The following ZNF814 variants were observed in gnomAD, a reference collection of about 807,000 sequenced individuals.
The protein encoded by ZNF814 is zinc finger protein 814.
Under a neutral mutation model 7.5 loss-of-function variants are expected in ZNF814, and 5 were observed. The ratio of observed to expected loss-of-function variants is 0.67; its 90% CI spans 0.35 to 1.40. The LOEUF is 1.40. Ranked by LOEUF, ZNF814 falls within the 40% of genes most tolerant of loss-of-function variation. The pLI, the probability that ZNF814 is intolerant of heterozygous loss-of-function variation, is 0.04. For missense variants in ZNF814, 962 were observed against 1,018.0 expected, an observed-to-expected ratio of 0.94 and a Z score of 0.75; for synonymous variants, 315 against 340.7, an observed-to-expected ratio of 0.92 and a Z score of 0.83.
the ZNF814 span, among the ~76,000 whole-genome samples, chr19:57,896,737 CA>C: frequency 6.6e-6 from 1 of 152,114 alleles, no homozygotes; most frequent in Non-Finnish European, 1.5e-5. The surrounding 1 kb of genome is among the most constrained non-coding windows in gnomAD (Gnocchi z 4.2). Context: ...TCCTTTTGTA[CA>C]AACTTTACTA....
rs112619379 is a variant in ZNF814, at chr19:57,886,871, C to T, written c.36+1896G>A. On this transcript the variant is annotated intron_variant, in intron 1 of 2. Coordinates refer to ENST00000435989, the MANE Select transcript of ZNF814 (RefSeq NM_001144989.2). ...CTCCAGGCTGGGTGACAGACTGAGACGCTGTCTCAGTAAAATAAATAAATA... is the reference window on the plus strand; with the variant it reads ...CTCCAGGCTGGGTGACAGACTGAGATGCTGTCTCAGTAAAATAAATAAATA... Among the ~76,000 whole-genome samples, 725 of 148,736 alleles carry T rather than the reference C, an allele frequency of 4.9e-3. 5 individuals are homozygous for T. Among genetic ancestry groups the T allele is most frequent in the African/African-American group, 0.017 (687 of 40,134 alleles).
At chr19:57,877,591 T>G (rs2071616614) in intron 1 of ZNF814, among the ~76,000 whole-genome samples, 2 of 152,020 alleles carry the variant, frequency 1.3e-5, no homozygotes, top group African/African-American at 2.4e-5. Context: ...TACAGGCATG[T>G]ACCACCACAC....
At chr19:57,903,618 C>T in the ZNF814 span, among the ~76,000 whole-genome samples, 1 of 152,160 alleles carries the variant, frequency 6.6e-6, no homozygotes, top group Admixed American at 6.5e-5. Context: ...GCTCACTTAA[C>T]CCTGCTCCCT....
At chr19:57,883,165 T>C (rs530132422) in intron 1 of ZNF814, among the ~76,000 whole-genome samples, 18 of 151,824 alleles carry the variant, frequency 1.2e-4, no homozygotes, top group East Asian at 1.9e-4. Context: ...GAGACCATCC[T>C]GGCTAATGGG....
chr19:57,896,106 G>C, the ZNF814 span, among the ~76,000 whole-genome samples: 6 of 150,468 alleles, frequency 4.0e-5, no homozygotes, highest in East Asian at 2.0e-4. This position sits in a 1 kb window ranked among gnomAD's most constrained non-coding sequence, Gnocchi z 4.2. Flanking sequence ...GTCGCCATGA[G>C]AGCGCACCTG....
At chr19:57,892,094 G>T (rs1027712932), upstream of ZNF814, among the ~76,000 whole-genome samples, 1 of 152,148 alleles carries the variant, frequency 6.6e-6, no homozygotes, top group Non-Finnish European at 1.5e-5. Flanking sequence ...GATGTCTCTT[G>T]CCTCCTTAAA....
upstream of ZNF814, among the ~76,000 whole-genome samples, chr19:57,890,467 T>C (rs1174693077): frequency 6.6e-6 from 1 of 152,078 alleles, no homozygotes; most frequent in Non-Finnish European, 1.5e-5. Context: ...TGGGGTTTTT[T>C]AAGGATAATT....
intron 1 of ZNF814, among the ~76,000 whole-genome samples, chr19:57,885,042 C>T (rs2071678365): frequency 5.9e-5 from 9 of 152,106 alleles, no homozygotes; most frequent in Admixed American, 5.9e-4. Flanking sequence ...AAAATGTAGG[C>T]CGGACGCAGT....
Position 57,873,327 on chromosome 19 carries a change from T to G in ZNF814, c.2063A>C (p.Tyr688Ser). The G allele has an allele frequency of 6.3e-7, 1 of 1,591,124 alleles. No individual in the cohort carries two copies. Among genetic ancestry groups the G allele is most frequent in the Non-Finnish European group, 8.6e-7 (1 of 1,168,266 alleles). ...TAATTTTCCACATTCCCTACATACA[T>G]AAGGTCTTTCTCCAGTATGGCCATG... ...HQHGHTGERP[Y>S]VCRECGKLFK... Residue 688 changes from tyrosine (Y) to serine (S), a missense_variant, in exon 3 of 3, where the codon TAT (tyrosine) becomes TCT (serine). By Grantham distance (144) the Tyr-to-Ser change is moderately radical (BLOSUM62 -2). Transcript: ENST00000435989.
At chr19:57,884,023 C>G (rs568120928) in intron 1 of ZNF814, among the ~76,000 whole-genome samples, 1 of 152,270 alleles carries the variant, frequency 6.6e-6, no homozygotes, top group Non-Finnish European at 1.5e-5. Flanking sequence ...TCCCAAAGTG[C>G]TGGGATTATA....
chr19:57,875,929 C>T (rs1332805869), intron 2 of ZNF814, among the ~76,000 whole-genome samples: 1 of 145,732 alleles, frequency 6.9e-6, no homozygotes, highest in East Asian at 2.0e-4. Flanking sequence ...TCCATGACCT[C>T]CTCCAGGGTG....
In ZNF814 at chr19:57,873,638, A is replaced by C. The variant is rs1268179801; in HGVS notation, c.1752T>G (p.Ser584=). The part of the protein sequence containing the change: ...RSYGCGECGK[S]FSSIGHLRSH... Reference sequence around the variant, plus strand: ...TCCTAAGGTGCCCGATTGAACTAAAAGATTTCCCACATTCTCCACACCCAT... The same window carrying C: ...TCCTAAGGTGCCCGATTGAACTAAACGATTTCCCACATTCTCCACACCCAT... Residue 584 remains serine (S), a synonymous_variant, in exon 3 of 3, where the codon TCT becomes TCG. Coordinates refer to ENST00000435989, the MANE Select transcript of ZNF814 (RefSeq NM_001144989.2). The C allele has an allele frequency of 6.2e-7, 1 of 1,613,906 alleles. No homozygotes were observed. Among genetic ancestry groups the C allele is most frequent in the Non-Finnish European group, 8.5e-7 (1 of 1,179,960 alleles).
intron 1 of ZNF814, among the ~76,000 whole-genome samples, chr19:57,877,590 G>T (rs1176377437): frequency 6.6e-6 from 1 of 151,962 alleles, no homozygotes; most frequent in African/African-American, 2.4e-5. Context: ...TTACAGGCAT[G>T]TACCACCACA....
Position 57,885,465 on chromosome 19 carries a change from C to A in ZNF814, c.36+3302G>T, listed in dbSNP as rs377357072. ...CCAAGATGGTGAAACCCCATCTCTA[C>A]TATAAACTACAAAAATTAGCCAGCC... On this transcript the variant is annotated intron_variant, in intron 1 of 2. Coordinates refer to ENST00000435989, the MANE Select transcript of ZNF814 (RefSeq NM_001144989.2). 2.6e-5 allele frequency among the ~76,000 whole-genome samples: 4 copies of A among 151,704 alleles called. No individual in the cohort carries two copies. In the East Asian group the frequency reaches 5.8e-4, roughly 22 times the overall value.
rs2071544365 is a variant in ZNF814 at position 57,870,099 on chromosome 19, G to A, written c.*2723C>T. 1 of 152,044 alleles carries A rather than the reference G, an allele frequency of 6.6e-6. No homozygotes were observed. Among genetic ancestry groups the A allele is most frequent in the Non-Finnish European group, 1.5e-5 (1 of 68,056 alleles). 9.4% of individuals were successfully genotyped at this position (152,044 alleles called of 1,614,324 possible). A position where few individuals can be genotyped will look rare whatever the true frequency, so the allele number is the denominator to read the frequency against. Reference sequence around the variant, plus strand: ...AGTAAAGATACAAAAAATTAGCTGGGTATGGTGGCGGGCACCTGTAGTCCC... The same window carrying A: ...AGTAAAGATACAAAAAATTAGCTGGATATGGTGGCGGGCACCTGTAGTCCC... On this transcript the variant is annotated 3_prime_UTR_variant, in exon 3 of 3. Coordinates refer to ENST00000435989, the MANE Select transcript of ZNF814 (RefSeq NM_001144989.2).
chr19:57,874,839 C>A lies in ZNF814; in HGVS notation c.551G>T (p.Gly184Val). The A allele has an allele frequency of 6.2e-7, 1 of 1,614,134 alleles. No individual in the cohort carries two copies. Among genetic ancestry groups the A allele is most frequent in the Non-Finnish European group, 8.5e-7 (1 of 1,180,000 alleles). ...ESGKDFLPRS[G>V]LLQQEASHTG... is the part of the protein sequence containing the mutation. The stretch of plus-strand genomic sequence containing the variant: ...GTGACTGGCCTCCTGCTGGAGTAAT[C>A]CTGACCTGGGCAAAAAGTCCTTCCC... The change falls in exon 3 of 3, where the codon GGA (glycine) becomes GTA (valine). Residue 184 changes from glycine to valine, a missense_variant. By Grantham distance (109) the Gly-to-Val change is moderately radical. This residue lies in a region of ZNF814 where 126 missense variants were observed against 123.5 expected (regional missense o/e 1.02). Coordinates refer to ENST00000435989, the MANE Select transcript of ZNF814 (RefSeq NM_001144989.2).
At chr19:57,899,642 C>T in the ZNF814 span, among the ~76,000 whole-genome samples, 1 of 152,184 alleles carries the variant, frequency 6.6e-6, no homozygotes, top group Non-Finnish European at 1.5e-5. Context: ...TCCAAAGAGG[C>T]ATTAGGGGAA....
chr19:57,886,773 G>A (rs1318438733), intron 1 of ZNF814, among the ~76,000 whole-genome samples: 4 of 151,088 alleles, frequency 2.6e-5, no homozygotes, highest in East Asian at 2.0e-4. Context: ...CCAGCTACTC[G>A]GGAGGCTGAA....
At chr19:57,879,640 A>G (rs988625793) in intron 1 of ZNF814, among the ~76,000 whole-genome samples, 601 of 147,922 alleles carry the variant, frequency 4.1e-3, no homozygotes, top group African/African-American at 0.014. Flanking sequence ...TCCAATATCA[A>G]TTCCTTCCCA....
Sources: gnomAD v4.1 joint callset for allele counts (sites outside exome capture counted in the v4.1 genomes callset) on GRCh38, gnomAD v4.1.1 for gene constraint, gnomAD v4.1.1 regional missense constraint, Gnocchi (gnomAD v3.1) non-coding constraint, MANE v1.5 for transcripts, NCBI Gene and HGNC (gene_info 2026-07-23, HGNC 2026-07-21) for gene names.